The following CAMKMT variants were observed in gnomAD, a reference collection of about 807,000 sequenced individuals.
CAMKMT encodes the protein calmodulin-lysine N-methyltransferase, also known as CaM KMT.
CAMKMT carries 53 observed loss-of-function variants against 48.0 expected under a neutral mutation model. The observed-to-expected ratio is 1.10, with a 90% confidence interval of 0.89 to 1.39. CAMKMT has a LOEUF of 1.39. CAMKMT is among the 40% of genes most tolerant of loss of function. The pLI, the probability that CAMKMT is intolerant of heterozygous loss-of-function variation, is 0.00. For synonymous variants in CAMKMT, 165 were observed against 152.3 expected (o/e 1.08, Z -0.61); for missense variants, 428 against 402.7 (o/e 1.06, Z -0.54).
At chr2:44,767,002 T>C (rs1381486533) in intron 10 of CAMKMT, among the ~76,000 whole-genome samples, 2 of 152,184 alleles carry the variant, frequency 1.3e-5, no homozygotes, top group Non-Finnish European at 1.5e-5. Flanking sequence ...GCTGGGTCAG[T>C]TGGCAGTTTG....
intron 7 of CAMKMT, among the ~76,000 whole-genome samples, chr2:44,718,241 C>G (rs1212296921): frequency 2.0e-5 from 3 of 152,162 alleles, no homozygotes; most frequent in South Asian, 2.1e-4. Flanking sequence ...ACCAAACTTT[C>G]CTGCTCCCTC....
chr2:44,549,016 C>G (rs559317380), intron 3 of CAMKMT, among the ~76,000 whole-genome samples: 6 of 151,944 alleles, frequency 3.9e-5, no homozygotes, highest in Non-Finnish European at 8.8e-5. Context: ...TGTTATGCAC[C>G]GATAAAAAAC....
At chr2:44,593,763 C>CTTTTTTTTT (rs61603790) in intron 3 of CAMKMT, among the ~76,000 whole-genome samples, 2 of 122,698 alleles carry the variant, frequency 1.6e-5, no homozygotes, top group East Asian at 2.2e-4. Flanking sequence ...AGACAACTTC[C>CTTTTTTTTT]TTTTTTTTTT....
chr2:44,420,908 T>C (rs1067378), intron 3 of CAMKMT, among the ~76,000 whole-genome samples: 114,225 of 151,680 alleles, frequency 0.75, 44,167 homozygotes, highest in African/African-American at 0.89. Flanking sequence ...TTAATCACTT[T>C]CAGAGCTTTT....
At chr2:44,461,201 A>G (rs913487246) in intron 3 of CAMKMT, among the ~76,000 whole-genome samples, 1 of 152,218 alleles carries the variant, frequency 6.6e-6, no homozygotes, top group African/African-American at 2.4e-5. Flanking sequence ...AGAAAAATTA[A>G]GGGCTTTTGT....
At chr2:44,692,578 G>A (rs145132560) in intron 3 of CAMKMT, among the ~76,000 whole-genome samples, 1,640 of 152,306 alleles carry the variant, frequency 0.011, 31 homozygotes, top group African/African-American at 0.037. Flanking sequence ...TCAGCTTCTA[G>A]AACAGGCCTG....
At chr2:44,500,510 C>A (rs1669954749) in intron 3 of CAMKMT, among the ~76,000 whole-genome samples, 1 of 151,766 alleles carries the variant, frequency 6.6e-6, no homozygotes, top group South Asian at 2.1e-4. Context: ...AGGAAAAAAA[C>A]AAGTTTTTAA....
chr2:44,579,396 A>G (rs1448967005), intron 3 of CAMKMT, among the ~76,000 whole-genome samples: 1 of 152,232 alleles, frequency 6.6e-6, no homozygotes, highest in Non-Finnish European at 1.5e-5. Flanking sequence ...GTCCAATTTC[A>G]GCACCAAACG....
At chr2:44,756,006 A>C (rs940873491) in intron 9 of CAMKMT, among the ~76,000 whole-genome samples, 1 of 152,204 alleles carries the variant, frequency 6.6e-6, no homozygotes, top group Non-Finnish European at 1.5e-5. Context: ...ATTCTAGCCT[A>C]AAGTGTAAGG....
rs1682992070 is a variant in CAMKMT at position 44,409,102 on chromosome 2, T to TTGCTACATAAAGACA, written c.376+18797_376+18798insTGCTACATAAAGACA. On this transcript the variant is annotated intron_variant, in intron 3 of 10. Coordinates refer to ENST00000378494, the MANE Select transcript of CAMKMT (RefSeq NM_024766.5). ...GCCGATATATATATATATATATATA[T>TTGCTACATAAAGACA]ATATATATATATATATATATATATA... 1.6e-3 allele frequency among the ~76,000 whole-genome samples: 5 copies of TTGCTACATAAAGACA among 3,068 alleles called. 1 individual carries two copies. The highest frequency in any genetic ancestry group is 3.1e-3 in the African/African-American group (2 of 640). The allele number at this position is 3,068 out of a possible 152,430, so 2.0% of individuals were successfully genotyped here.
intron 7 of CAMKMT, among the ~76,000 whole-genome samples, chr2:44,733,687 T>C (rs895715253): frequency 1.3e-5 from 2 of 152,144 alleles, no homozygotes; most frequent in Non-Finnish European, 2.9e-5. Context: ...CTGCCTTTAT[T>C]GAGATGATCA....
At chr2:44,445,645 G>GTTTTTTTT (rs869258613) in intron 3 of CAMKMT, among the ~76,000 whole-genome samples, 12 of 101,426 alleles carry the variant, frequency 1.2e-4, no homozygotes, top group Non-Finnish European at 1.6e-4. Context: ...CAAAAGGGTA[G>GTTTTTTTT]TTTTTTTTTT....
intron 3 of CAMKMT, among the ~76,000 whole-genome samples, chr2:44,666,468 C>G (rs1300720545): frequency 6.6e-6 from 1 of 152,120 alleles, no homozygotes; most frequent in Non-Finnish European, 1.5e-5. Context: ...AGCCTGGTGT[C>G]CTTAACTTCT....
chr2:44,737,074 G>A (rs767624832), intron 7 of CAMKMT, among the ~76,000 whole-genome samples: 4 of 152,006 alleles, frequency 2.6e-5, no homozygotes, highest in Admixed American at 6.6e-5. Flanking sequence ...ATTTTACTTC[G>A]TTGGGATCTG....
intron 3 of CAMKMT, among the ~76,000 whole-genome samples, chr2:44,667,989 A>T (rs1289676602): frequency 3.9e-5 from 6 of 152,122 alleles, no homozygotes; most frequent in African/African-American, 1.2e-4. Flanking sequence ...TCCAGCTCTA[A>T]TTAAACTCTG....
intron 3 of CAMKMT, among the ~76,000 whole-genome samples, chr2:44,691,369 C>G (rs1573088368): frequency 6.6e-6 from 1 of 152,238 alleles, no homozygotes; most frequent in East Asian, 1.9e-4. Context: ...AGGCTGTCTT[C>G]CCCTCCCTGC....
At chr2:44,650,611 G>A (rs897920962) in intron 3 of CAMKMT, among the ~76,000 whole-genome samples, 6 of 151,992 alleles carry the variant, frequency 3.9e-5, no homozygotes, top group African/African-American at 4.8e-5. Flanking sequence ...CAAAATTGTG[G>A]CAATATGAAA....
intron 3 of CAMKMT, among the ~76,000 whole-genome samples, chr2:44,397,058 CAAAAA>C (rs59188592): frequency 4.2e-5 from 5 of 120,422 alleles, no homozygotes; most frequent in Non-Finnish European, 6.9e-5. Flanking sequence ...GACTCCATCT[CAAAAA>C]AAAAAAAAAA....
At chr2:44,737,681 A>G (rs756795812) in intron 7 of CAMKMT, among the ~76,000 whole-genome samples, 9 of 152,082 alleles carry the variant, frequency 5.9e-5, no homozygotes, top group Non-Finnish European at 1.2e-4. Flanking sequence ...TCTCACATAC[A>G]TGCATGATCA....
Sources: allele counts gnomAD v4.1 joint callset (sites outside exome capture counted in the v4.1 genomes callset), GRCh38; gene constraint gnomAD v4.1.1; transcripts MANE v1.5; gene names NCBI Gene and HGNC (gene_info 2026-07-23, HGNC 2026-07-21).